The following LAMA5 variants were observed in gnomAD, a reference collection of about 807,000 sequenced individuals.
LAMA5 encodes the protein laminin subunit alpha-5.
Under a neutral mutation model 433.4 loss-of-function variants are expected in LAMA5, and 260 were observed. That is an observed-to-expected ratio of 0.60 (90% CI 0.54 to 0.66). The LOEUF is 0.66. Among genes scored for constraint, LAMA5 ranks in the 30% least tolerant of loss-of-function variants. The pLI is 0.00. For missense variants in LAMA5, 5,378 were observed against 5,258.5 expected, an observed-to-expected ratio of 1.02 and a Z score of -0.70; for synonymous variants, 2,620 against 2,226.6, an observed-to-expected ratio of 1.18 and a Z score of -4.97.
In LAMA5 at chr20:62,338,437, GGTAGAGGTTGA is replaced by G; in HGVS notation, c.1618+20_1618+30del. On this transcript the variant is annotated intron_variant, in intron 12 of 79. Transcript: ENST00000252999. ...GCCTCAGGTGTCCACCTCGAGCGCAGGTAGAGGTTGAGCGGGGAGAGGGGACTCACGCTGGC... is the reference window on the plus strand; with the variant it reads ...GCCTCAGGTGTCCACCTCGAGCGCAGGCGGGGAGAGGGGACTCACGCTGGC... 1 of 1,608,350 alleles carries G rather than the reference GGTAGAGGTTGA, an allele frequency of 6.2e-7. No homozygotes were observed. Among genetic ancestry groups the G allele is most frequent in the South Asian group, 1.1e-5 (1 of 90,136 alleles).
chr20:62,334,373 C>T, intron 21 of LAMA5, 31 bp from the exon 22 acceptor site: 1 of 1,564,616 alleles, frequency 6.4e-7, no homozygotes, highest in Non-Finnish European at 8.7e-7. Context: ...TCAGGTGCAG[C>T]TTGGCCATCC....
chr20:62,340,192 A>C (rs907612307), intron 11 of LAMA5, among the ~76,000 whole-genome samples: 3 of 152,114 alleles, frequency 2.0e-5, no homozygotes, highest in African/African-American at 7.2e-5. Context: ...AACCAGAGTC[A>C]GAGAGAGACA....
chr20:62,332,331 A>G (rs768240027), intron 28 of LAMA5, 41 bp downstream of exon 28: 4 of 1,411,188 alleles, frequency 2.8e-6, no homozygotes, highest in Non-Finnish European at 3.0e-6. Context: ...ATCTTCTGAA[A>G]GAAGCTGACC....
At chr20:62,344,904 T>C (rs6142738) in intron 11 of LAMA5, among the ~76,000 whole-genome samples, 35,847 of 152,168 alleles carry the variant, frequency 0.24, 4,449 homozygotes, top group African/African-American at 0.3. Context: ...GTGGTTGGGA[T>C]GTAATCACAG....
At chr20:62,309,653 T>TGGGGGGGGGGGGGGGGGGGG in intron 79 of LAMA5, 63 bp downstream of exon 79, 1 of 285,016 alleles carries the variant, frequency 3.5e-6, no homozygotes, top group South Asian at 5.9e-5. Flanking sequence ...GGGAGGGTGG[T>TGGGGGGGGGGGGGGGGGGGG]AGGTTACGCA....
intron 28 of LAMA5, 51 bp from the exon 29 acceptor site, chr20:62,331,180 G>C: frequency 8.1e-7 from 1 of 1,237,974 alleles, no homozygotes; most frequent in Non-Finnish European, 1.1e-6. Context: ...GGGGAGGATA[G>C]GGGGTGCAGG....
At chr20:62,328,816 C>CT in intron 34 of LAMA5, 28 bp downstream of exon 34, 1 of 1,604,248 alleles carries the variant, frequency 6.2e-7, no homozygotes, top group South Asian at 1.1e-5. Flanking sequence ...CTCCCTGCCA[C>CT]TGGGCGCCCA....
chr20:62,358,360 G>A (rs114424694), intron 2 of LAMA5, among the ~76,000 whole-genome samples: 9,659 of 152,272 alleles, frequency 0.063, 352 homozygotes, highest in South Asian at 0.16. Context: ...AAGTGGCTGC[G>A]TCTGGTTCAG....
At position 62,329,988 on chromosome 20, in the gene LAMA5, G is replaced by A. The variant is rs1284572267; in HGVS notation, c.3980-72C>T. On this transcript the variant is annotated intron_variant, in intron 31 of 79. Coordinates refer to ENST00000252999, the MANE Select transcript of LAMA5 (RefSeq NM_005560.6). ...CCAAGACACCCAGAGGGTTGAAGAT[G>A]GCAGCGTTGGGGCAGCCAAGGAGTG... The A allele has an allele frequency of 3.9e-6, 6 of 1,546,802 alleles. No homozygotes were observed. In the African/African-American group the frequency reaches 6.8e-5, roughly 18 times the overall value.
rs1203213936 is a variant in LAMA5, at chr20:62,357,832, C to T, written c.450+4568G>A. Among the ~76,000 whole-genome samples, 7 of 152,300 alleles carry T rather than the reference C, an allele frequency of 4.6e-5. No individual in the cohort carries two copies. The South Asian group carries it at 1.5e-3, about 32-fold the overall frequency. Reference sequence around the variant, plus strand: ...ATGGGTTCCCAGCCAGGGGGCTGCCCGCACCTCAACAGAGCTGGGCCTGGG... The same window carrying T: ...ATGGGTTCCCAGCCAGGGGGCTGCCTGCACCTCAACAGAGCTGGGCCTGGG... On this transcript the variant is annotated intron_variant, in intron 2 of 79. Coordinates refer to ENST00000252999, the MANE Select transcript of LAMA5 (RefSeq NM_005560.6).
At chr20:62,334,809 C>A (rs1452222656) in intron 20 of LAMA5, among the ~76,000 whole-genome samples, 188 bp from the exon 21 acceptor site, 2 of 116,414 alleles carry the variant, frequency 1.7e-5, no homozygotes, top group Non-Finnish European at 4.1e-5. Context: ...GCCGTCTGCC[C>A]AGGTGTAGGA....
At chr20:62,353,279 C>T (rs368771565) in intron 2 of LAMA5, 28 bp from the exon 3 acceptor site, 1 of 1,506,916 alleles carries the variant, frequency 6.6e-7, no homozygotes, top group Non-Finnish European at 9.1e-7. Context: ...GTCAGGGGAG[C>T]CAGGGGCGCC....
chr20:62,309,462 C>T lies in LAMA5; in HGVS notation c.10962G>A (p.Val3654=). 6.3e-7 allele frequency: 1 copy of T among 1,582,314 alleles called. No individual in the cohort carries two copies. The highest frequency in any genetic ancestry group is 8.5e-7 in the Non-Finnish European group (1 of 1,173,888). Residue 3654 remains valine, a synonymous_variant, in exon 80 of 80, where the codon GTG becomes GTA. Transcript: ENST00000252999. The part of the protein sequence containing the change: ...YLGGLPEPMA[V]QPWPPAYCGC... ...CGCAGTAGGCGGGGGGCCAGGGCTG[C>T]ACGGCCATGGGCTCTGGGGGCACAG...
chr20:62,331,196 C>T lies in LAMA5; in HGVS notation c.3553-67G>A, dbSNP rs1267953005. 9 of 605,374 alleles carry T rather than the reference C, an allele frequency of 1.5e-5. No individual in the cohort carries two copies. In the Admixed American group the frequency reaches 3.0e-4, roughly 20 times the overall value. The allele number at this position is 605,374 out of a possible 1,614,324, so 37.5% of individuals were successfully genotyped here. A position where few individuals can be genotyped will look rare whatever the true frequency, so the allele number is the denominator to read the frequency against. The stretch of plus-strand genomic sequence containing the variant: ...GGGAGGATAGGGGGTGCAGGCGGTA[C>T]GATGGGGGGGTGCAGGCGGTACGAT... On this transcript the variant is annotated intron_variant, in intron 28 of 79. Coordinates refer to ENST00000252999, the MANE Select transcript of LAMA5 (RefSeq NM_005560.6).
intron 31 of LAMA5, among the ~76,000 whole-genome samples, chr20:62,330,170 G>A (rs749762094): frequency 1.1e-4 from 17 of 152,252 alleles, no homozygotes; most frequent in South Asian, 2.1e-4. Flanking sequence ...AGGCTTGGCC[G>A]AGCCAGGAAC....
rs144153064 is a variant in LAMA5, at chr20:62,312,020, C to T, written c.9535G>A (p.Gly3179Ser). Residue 3179 changes from glycine to serine, a missense_variant, in exon 70 of 80, where the codon GGC (glycine) becomes AGC (serine). Transcript: ENST00000252999. ...CTCAGGAGCTGTAGGCTCACACGGC[C>T]CTGCTGCAGGGACACCTGGCATAGC... ...DGLCQVSLQQ[G>S]RVSLQLLRTE... 14 of 1,612,514 alleles carry T rather than the reference C, an allele frequency of 8.7e-6. No homozygotes were observed. The East Asian group carries it at 2.7e-4, about 31-fold the overall frequency.
chr20:62,321,227 G>GC (rs1987688649), intron 48 of LAMA5, among the ~76,000 whole-genome samples: 4 of 124,408 alleles, frequency 3.2e-5, no homozygotes, highest in Admixed American at 7.9e-5. Flanking sequence ...GCCAGTGGAG[G>GC]AGGCGGGGCC....
At position 62,336,971 on chromosome 20, in the gene LAMA5, TC is replaced by T. The variant is rs1266664865; in HGVS notation, c.2165-186del. 5.7e-6 allele frequency: 4 copies of T among 701,494 alleles called. No homozygotes were observed. The Admixed American group carries it at 8.1e-5, about 14-fold the overall frequency. 43.5% of individuals were successfully genotyped at this position (701,494 alleles called of 1,614,324 possible). On this transcript the variant is annotated intron_variant, in intron 16 of 79. Transcript: ENST00000252999. ...TCCCTCCGCAGCAACGGACGTGCCA[TC>T]CCACCACACAGCACCTGCTCATGGA...
At chr20:62,342,696 C>CAA (rs113491899) in intron 11 of LAMA5, among the ~76,000 whole-genome samples, 13 of 145,728 alleles carry the variant, frequency 8.9e-5, no homozygotes, top group Admixed American at 3.4e-4. Flanking sequence ...AACAAAAAAA[C>CAA]AAAAAAAAAA....
Sources: allele counts gnomAD v4.1 joint callset (sites outside exome capture counted in the v4.1 genomes callset), GRCh38; gene constraint gnomAD v4.1.1; transcripts MANE v1.5; gene names NCBI Gene and HGNC (gene_info 2026-07-23, HGNC 2026-07-21).